The following DPH6 variants were observed in gnomAD, a reference collection of about 807,000 sequenced individuals.
DPH6 encodes diphthamine biosynthesis 6.
DPH6 carries 33 observed loss-of-function variants against 38.2 expected under a neutral mutation model. That is an observed-to-expected ratio of 0.86 (90% CI 0.65 to 1.15). The LOEUF (loss-of-function observed/expected upper bound fraction) is 1.15. Ranked by LOEUF, DPH6 falls within the 50% of genes most tolerant of loss-of-function variation. The pLI is 0.00. For missense variants in DPH6, 325 were observed against 320.0 expected (o/e 1.02, Z -0.12); for synonymous variants, 108 against 103.0 (o/e 1.05, Z -0.30).
At chr15:35,518,603 A>G (rs964686319) in intron 3 of DPH6, among the ~76,000 whole-genome samples, 2 of 152,118 alleles carry the variant, frequency 1.3e-5, no homozygotes, top group Admixed American at 1.3e-4. Flanking sequence ...AAAGTTTGGG[A>G]ATGAGGTGTG....
chr15:35,323,289 T>C (rs1428622422), intron 3 of DPH6, among the ~76,000 whole-genome samples: 1 of 152,184 alleles, frequency 6.6e-6, no homozygotes, highest in African/African-American at 2.4e-5. Flanking sequence ...AGCTTTCTTA[T>C]AGAGAATTTT....
At chr15:35,530,748 T>C (rs2055074409) in intron 3 of DPH6, among the ~76,000 whole-genome samples, 3 of 152,258 alleles carry the variant, frequency 2.0e-5, no homozygotes, top group Non-Finnish European at 4.4e-5. Flanking sequence ...ACAAATATGG[T>C]ACAACATTTT....
intron 3 of DPH6, among the ~76,000 whole-genome samples, chr15:35,306,956 C>T (rs972999559): frequency 7.9e-5 from 12 of 151,820 alleles, no homozygotes; most frequent in Non-Finnish European, 1.3e-4. Flanking sequence ...GCGAGGTGGC[C>T]GAGAGGAAAG....
At chr15:35,160,434 A>C in the DPH6 span, among the ~76,000 whole-genome samples, 4 of 151,320 alleles carry the variant, frequency 2.6e-5, no homozygotes, top group Non-Finnish European at 5.9e-5. Flanking sequence ...TTGGTTCTTT[A>C]TTTTTTCTTT....
At chr15:35,543,862 A>G (rs2055302263) in intron 1 of DPH6, among the ~76,000 whole-genome samples, 1 of 152,208 alleles carries the variant, frequency 6.6e-6, no homozygotes, top group Non-Finnish European at 1.5e-5. Context: ...AAAAGATATG[A>G]CTAATTGTTT....
the DPH6 span, among the ~76,000 whole-genome samples, chr15:35,205,097 A>G: frequency 4.6e-5 from 7 of 152,108 alleles, no homozygotes; most frequent in East Asian, 1.4e-3. Context: ...AGGACATAAA[A>G]GGCTTTATTA....
intron 3 of DPH6, among the ~76,000 whole-genome samples, chr15:35,257,167 A>G (rs2051714051): frequency 6.6e-6 from 1 of 152,226 alleles, no homozygotes; most frequent in Non-Finnish European, 1.5e-5. Context: ...TTAGCATAGC[A>G]TACCAGGAAA....
At position 35,453,128 on chromosome 15, in the gene DPH6, C is replaced by T. The variant is rs118112596; in HGVS notation, c.386+1619G>A. 9.9e-5 allele frequency among the ~76,000 whole-genome samples: 15 copies of T among 152,268 alleles called. No homozygotes were observed. In the East Asian group the frequency reaches 2.7e-3, roughly 27 times the overall value. On this transcript the variant is annotated intron_variant, in intron 4 of 8. Transcript: ENST00000256538. ...AATTGAGTTTGTGGACCAATGGACT[C>T]CCAGTAACATTACTTTTGAAGTTTC...
intron 3 of DPH6, among the ~76,000 whole-genome samples, chr15:35,313,197 C>T (rs1307904434): frequency 6.6e-6 from 1 of 151,956 alleles, no homozygotes; most frequent in African/African-American, 2.4e-5. Flanking sequence ...CACACCACTA[C>T]ACTCCAGTAT....
At chr15:35,269,581 C>T (rs559373560) in intron 3 of DPH6, among the ~76,000 whole-genome samples, 7 of 151,630 alleles carry the variant, frequency 4.6e-5, no homozygotes, top group Middle Eastern at 3.4e-3. Flanking sequence ...GGACTACAGG[C>T]GCCCGCCAAC....
At chr15:35,297,410 A>G (rs1170886466) in intron 3 of DPH6, among the ~76,000 whole-genome samples, 1 of 151,274 alleles carries the variant, frequency 6.6e-6, no homozygotes, top group African/African-American at 2.4e-5. Context: ...GTTCTCAACA[A>G]TTTTCATTTT....
At chr15:35,164,086 A>G in the DPH6 span, among the ~76,000 whole-genome samples, 1 of 151,870 alleles carries the variant, frequency 6.6e-6, no homozygotes, top group Non-Finnish European at 1.5e-5. Flanking sequence ...TAAAAGTTTT[A>G]TAAAATATGC....
At chr15:35,534,652 T>TA (rs750819719) in intron 3 of DPH6, among the ~76,000 whole-genome samples, 1 of 151,520 alleles carries the variant, frequency 6.6e-6, no homozygotes, top group Non-Finnish European at 1.5e-5. Context: ...AAAATACATT[T>TA]AAAAATAAAG....
chr15:35,168,326 A>C, the DPH6 span, among the ~76,000 whole-genome samples: 5 of 152,140 alleles, frequency 3.3e-5, no homozygotes, highest in South Asian at 1.0e-3. Context: ...AAGAGAAGAG[A>C]ATATCTTAAT....
At chr15:35,265,240 G>GA (rs1248980840) in intron 3 of DPH6, among the ~76,000 whole-genome samples, 3 of 151,278 alleles carry the variant, frequency 2.0e-5, no homozygotes, top group East Asian at 1.9e-4. Flanking sequence ...GCTTTGAAAG[G>GA]AAAAAAAAGG....
At chr15:35,418,852 T>C (rs904955030) in intron 5 of DPH6, among the ~76,000 whole-genome samples, 3 of 152,036 alleles carry the variant, frequency 2.0e-5, no homozygotes, top group Non-Finnish European at 4.4e-5. Flanking sequence ...CATCACAAAA[T>C]GGTTAACAAT....
chr15:35,236,870 CTTACAT>C (rs2051556033), intron 3 of DPH6, among the ~76,000 whole-genome samples: 1 of 152,138 alleles, frequency 6.6e-6, no homozygotes, highest in Non-Finnish European at 1.5e-5. Context: ...GACTGGGGCT[CTTACAT>C]ACTGCTTTCT....
intron 5 of DPH6, among the ~76,000 whole-genome samples, chr15:35,441,399 T>G (rs933805398): frequency 2.0e-5 from 3 of 152,160 alleles, no homozygotes; most frequent in African/African-American, 7.2e-5. Flanking sequence ...AACAAAGACT[T>G]GGAATCAATC....
In DPH6 at chr15:35,244,572, A is replaced by T. The variant is rs2051623091; in HGVS notation, n.201-23990T>A. On this transcript the variant is annotated intron_variant and non_coding_transcript_variant, in intron 3 of 3. Coordinates refer to the DPH6 transcript ENST00000560386. ...GTCTTTCAATTTTTAAGCAGGTGAA[A>T]AGATGAAAAGTTAATGCTTATAAGG... is the stretch of plus-strand genomic sequence containing the variant. Among the ~76,000 whole-genome samples the T allele has an allele frequency of 4.6e-5, 7 of 152,264 alleles. No individual in the cohort carries two copies. In the South Asian group the frequency reaches 1.4e-3, roughly 31 times the overall value.
Sources: allele counts gnomAD v4.1 joint callset (sites outside exome capture counted in the v4.1 genomes callset), GRCh38; gene constraint gnomAD v4.1.1; transcripts MANE v1.5; gene names NCBI Gene and HGNC (gene_info 2026-07-23, HGNC 2026-07-21).